PCSK5: variants seen among roughly 807,000 people sequenced by gnomAD.
PCSK5 encodes the protein prohormone convertase 5.
Under a neutral mutation model 233.2 loss-of-function variants are expected in PCSK5, and 129 were observed. The observed-to-expected ratio is 0.55, with a 90% CI of 0.48 to 0.64. The LOEUF is 0.64. Ranked by LOEUF, PCSK5 falls within the 30% of genes least tolerant of loss-of-function variation. PCSK5 has a pLI of 0.00. For missense variants in PCSK5, 2,076 were observed against 2,430.1 expected (o/e 0.85, Z 3.06); for synonymous variants, 825 against 879.2 (o/e 0.94, Z 1.09).
chr9:76,197,500 G>A (rs896962717), intron 20 of PCSK5, among the ~76,000 whole-genome samples: 1 of 152,198 alleles, frequency 6.6e-6, no homozygotes, highest in Non-Finnish European at 1.5e-5. Context: ...ACATATCTGA[G>A]TATGGAAATA....
At chr9:76,154,068 G>C (rs1387708561) in intron 10 of PCSK5, among the ~76,000 whole-genome samples, 1 of 152,116 alleles carries the variant, frequency 6.6e-6, no homozygotes, top group Admixed American at 6.5e-5. Flanking sequence ...CAGATTTTGA[G>C]GGAGTTCCTC....
intron 35 of PCSK5, among the ~76,000 whole-genome samples, chr9:76,347,438 C>T (rs1173694703): frequency 6.6e-6 from 1 of 152,114 alleles, no homozygotes; most frequent in African/African-American, 2.4e-5. Context: ...CTGCCTTTTG[C>T]TAAAGATTCT....
At chr9:76,060,982 G>A (rs1830008222) in intron 5 of PCSK5, among the ~76,000 whole-genome samples, 1 of 151,986 alleles carries the variant, frequency 6.6e-6, no homozygotes, top group African/African-American at 2.4e-5. Flanking sequence ...TATAAACAGA[G>A]TATTTGAAAG....
intron 3 of PCSK5, among the ~76,000 whole-genome samples, chr9:76,012,970 A>G (rs1323563253): frequency 6.6e-6 from 1 of 152,228 alleles, no homozygotes; most frequent in Non-Finnish European, 1.5e-5. Flanking sequence ...CTGTTAGAAT[A>G]TTCAAAAAGT....
intron 2 of PCSK5, among the ~76,000 whole-genome samples, chr9:75,947,626 C>T (rs1029125199): frequency 2.0e-5 from 3 of 152,150 alleles, no homozygotes; most frequent in African/African-American, 7.2e-5. Flanking sequence ...ATGGAATGTT[C>T]TAATAATGTC....
chr9:76,216,725 ACTT>A (rs1224181577), intron 20 of PCSK5, among the ~76,000 whole-genome samples: 2 of 152,212 alleles, frequency 1.3e-5, no homozygotes, highest in Non-Finnish European at 2.9e-5. Flanking sequence ...TGCCTGGTTG[ACTT>A]CTTAAAAGTA....
chr9:76,108,128 G>A (rs180897320), intron 9 of PCSK5, among the ~76,000 whole-genome samples: 1 of 152,266 alleles, frequency 6.6e-6, no homozygotes, highest in Admixed American at 6.5e-5. Flanking sequence ...AAATATTCAT[G>A]TATTTGATTG....
intron 27 of PCSK5, among the ~76,000 whole-genome samples, chr9:76,299,852 G>A (rs889148325): frequency 6.6e-6 from 1 of 152,198 alleles, no homozygotes; most frequent in Non-Finnish European, 1.5e-5. Context: ...GGGAATGGAA[G>A]CACTTTCCTC....
At chr9:76,028,903 G>T (rs1828541675) in intron 5 of PCSK5, among the ~76,000 whole-genome samples, 1 of 152,176 alleles carries the variant, frequency 6.6e-6, no homozygotes, top group Non-Finnish European at 1.5e-5. Context: ...AAGCAAGATG[G>T]AGGAGTCGGT....
chr9:75,981,174 C>T (rs967016157), intron 2 of PCSK5, among the ~76,000 whole-genome samples: 1 of 152,166 alleles, frequency 6.6e-6, no homozygotes, highest in Non-Finnish European at 1.5e-5. Context: ...GACTTAATAT[C>T]ATTGATCAGC....
At chr9:76,334,452 G>T (rs1372790502) in intron 34 of PCSK5, among the ~76,000 whole-genome samples, 3 of 152,202 alleles carry the variant, frequency 2.0e-5, no homozygotes, top group African/African-American at 7.2e-5. Flanking sequence ...CACCAGCCAG[G>T]CTGGGCAGGG....
chr9:75,907,303 A>G (rs989518273), intron 1 of PCSK5, among the ~76,000 whole-genome samples: 1 of 152,198 alleles, frequency 6.6e-6, no homozygotes, highest in Non-Finnish European at 1.5e-5. Context: ...AGTATTTTGC[A>G]GACATGGAAC....
intron 30 of PCSK5, among the ~76,000 whole-genome samples, chr9:76,315,928 G>GTTTTTTTTTTTTTTT (rs71499141): frequency 2.0e-4 from 18 of 91,808 alleles, no homozygotes; most frequent in Non-Finnish European, 3.0e-4. Flanking sequence ...CACTTCAAGG[G>GTTTTTTTTTTTTTTT]TTTTTTTTTT....
intron 20 of PCSK5, among the ~76,000 whole-genome samples, chr9:76,191,597 G>A (rs530368685): frequency 6.6e-6 from 1 of 152,298 alleles, no homozygotes; most frequent in African/African-American, 2.4e-5. Flanking sequence ...AGGTGACTTT[G>A]CATCTCCATG....
chr9:76,046,160 G>GTTTTTTTTTTTTT lies in PCSK5; in HGVS notation c.632+19146_632+19158dup, dbSNP rs71372041. ...GCATTAACACATAATTTTTTCTTTT[G>GTTTTTTTTTTTTT]TTTTTTTTTTTTTTTTTTTTTTTTT... On this transcript the variant is annotated intron_variant, in intron 5 of 37. Transcript: ENST00000674117. 8.3e-4 allele frequency among the ~76,000 whole-genome samples: 48 copies of GTTTTTTTTTTTTT among 58,036 alleles called. 9 individuals carry two copies. The highest frequency in any genetic ancestry group is 2.5e-3 in the East Asian group (5 of 1,976). 38.1% of individuals were successfully genotyped at this position (58,036 alleles called of 152,430 possible).
In PCSK5 at chr9:76,143,992, A is replaced by T. The variant is rs1297392899; in HGVS notation, c.1312+9780A>T. ...TTGCAGTCTTTGTATTTGCCATATA[A>T]CTCCACAAACATTTAAAGAGAGCAA... On this transcript the variant is annotated intron_variant, in intron 10 of 37. Transcript: ENST00000674117. Among the ~76,000 whole-genome samples the T allele has an allele frequency of 2.0e-5, 3 of 151,982 alleles. No homozygotes were observed. In the East Asian group the frequency reaches 5.8e-4, roughly 29 times the overall value.
intron 8 of PCSK5, among the ~76,000 whole-genome samples, chr9:76,097,763 A>G (rs1201824419): frequency 6.6e-6 from 1 of 152,224 alleles, no homozygotes; most frequent in African/African-American, 2.4e-5. Flanking sequence ...CTAGCACAGT[A>G]CCCGGCCCTT....
At chr9:76,019,423 G>C (rs1275622645) in intron 3 of PCSK5, among the ~76,000 whole-genome samples, 1 of 152,118 alleles carries the variant, frequency 6.6e-6, no homozygotes, top group Non-Finnish European at 1.5e-5. Flanking sequence ...TATAGTCGGA[G>C]ATGAAGTCTT....
Position 76,242,175 on chromosome 9 carries a change from C to T in PCSK5, c.3142+1491C>T, listed in dbSNP as rs1314119970. ...TGCATATGATGTGTGATGATCAAGT[C>T]AGGGTAACTGGTATATCATCACCTC... On this transcript the variant is annotated intron_variant, in intron 24 of 37. Transcript: ENST00000674117. Among the ~76,000 whole-genome samples the T allele has an allele frequency of 2.0e-5, 3 of 152,098 alleles. No individual in the cohort carries two copies. The East Asian group carries it at 5.8e-4, about 29-fold the overall frequency.
Sources: allele counts gnomAD v4.1 joint callset (sites outside exome capture counted in the v4.1 genomes callset), GRCh38; gene constraint gnomAD v4.1.1; transcripts MANE v1.5; gene names NCBI Gene and HGNC (gene_info 2026-07-23, HGNC 2026-07-21).